RABGAP1L: variants seen among roughly 807,000 people sequenced by gnomAD.
The protein encoded by RABGAP1L is RAB GTPase activating protein 1 like.
In RABGAP1L, 63 loss-of-function variants were observed where a neutral mutation model predicts 137.7. That is an observed-to-expected ratio of 0.46 (90% CI 0.37 to 0.56). RABGAP1L has a LOEUF of 0.56. RABGAP1L is among the 20% of genes least tolerant of loss of function. The pLI, the probability that RABGAP1L is intolerant of heterozygous loss-of-function variation, is 0.00. For synonymous variants in RABGAP1L, 431 were observed against 433.7 expected, an observed-to-expected ratio of 0.99 and a Z score of 0.08; for missense variants, 1,095 against 1,244.0, an observed-to-expected ratio of 0.88 and a Z score of 1.80.
chr1:174,614,938 T>C (rs950399828), intron 13 of RABGAP1L, among the ~76,000 whole-genome samples: 5 of 152,254 alleles, frequency 3.3e-5, no homozygotes, highest in African/African-American at 1.2e-4. Context: ...TCAGCTCCTT[T>C]AAGCACTTCT....
At chr1:174,223,661 T>C (rs991370052) in intron 3 of RABGAP1L, among the ~76,000 whole-genome samples, 1 of 152,136 alleles carries the variant, frequency 6.6e-6, no homozygotes, top group Non-Finnish European at 1.5e-5. Context: ...GAGTCAACCT[T>C]GAAAAGATGT....
intron 18 of RABGAP1L, among the ~76,000 whole-genome samples, chr1:174,771,394 A>T (rs1053725924): frequency 6.6e-6 from 1 of 152,122 alleles, no homozygotes; most frequent in Non-Finnish European, 1.5e-5. Context: ...CAGTCCTTTA[A>T]TGAGTAGATA....
intron 21 of RABGAP1L, among the ~76,000 whole-genome samples, chr1:174,975,077 A>T (rs1253860597): frequency 6.6e-6 from 1 of 152,246 alleles, no homozygotes; most frequent in East Asian, 1.9e-4. Context: ...TGCAGTCTGC[A>T]TCTGCAATGA....
chr1:174,816,950 C>T (rs1690491598), intron 19 of RABGAP1L, among the ~76,000 whole-genome samples: 1 of 151,998 alleles, frequency 6.6e-6, no homozygotes, highest in South Asian at 2.1e-4. Flanking sequence ...AGGATAGTCT[C>T]GATCTCCTGA....
chr1:174,256,525 G>A (rs987725138), intron 7 of RABGAP1L, among the ~76,000 whole-genome samples: 3 of 152,236 alleles, frequency 2.0e-5, no homozygotes, highest in Non-Finnish European at 1.5e-5. Flanking sequence ...GCTCACGCCT[G>A]TAATCCCAGC....
intron 18 of RABGAP1L, among the ~76,000 whole-genome samples, chr1:174,774,744 A>G (rs930218179): frequency 6.6e-6 from 1 of 151,990 alleles, no homozygotes; most frequent in Non-Finnish European, 1.5e-5. Flanking sequence ...GCCAGGCACG[A>G]TGGCACGTGC....
intron 11 of RABGAP1L, among the ~76,000 whole-genome samples, chr1:174,328,734 C>T (rs1680764847): frequency 6.6e-6 from 1 of 152,132 alleles, no homozygotes; most frequent in Non-Finnish European, 1.5e-5. Context: ...CATGCCACTG[C>T]ACTCCAGCCT....
intron 14 of RABGAP1L, among the ~76,000 whole-genome samples, chr1:174,643,149 C>T (rs1294186980): frequency 2.0e-5 from 3 of 152,100 alleles, no homozygotes; most frequent in African/African-American, 7.2e-5. Flanking sequence ...GGAACTCCTT[C>T]CACTCATATC....
chr1:174,894,501 G>C (rs1173705380), intron 19 of RABGAP1L, among the ~76,000 whole-genome samples: 1 of 152,178 alleles, frequency 6.6e-6, no homozygotes, highest in Non-Finnish European at 1.5e-5. Context: ...GTAGTGTTGG[G>C]AAGGGTGCAA....
chr1:174,360,736 A>G (rs774874708), intron 11 of RABGAP1L, among the ~76,000 whole-genome samples: 1 of 152,142 alleles, frequency 6.6e-6, no homozygotes, highest in Non-Finnish European at 1.5e-5. Context: ...AGGTGGAGGG[A>G]GGAACTCTTT....
intron 13 of RABGAP1L, among the ~76,000 whole-genome samples, chr1:174,479,561 G>A (rs1314897741): frequency 1.3e-5 from 2 of 152,178 alleles, no homozygotes; most frequent in East Asian, 1.9e-4. Flanking sequence ...ATGACAGCTT[G>A]TTAAAGCCAA....
At chr1:174,241,826 T>A (rs1671852358) in intron 5 of RABGAP1L, among the ~76,000 whole-genome samples, 169 bp downstream of exon 5, 1 of 152,220 alleles carries the variant, frequency 6.6e-6, no homozygotes. Context: ...CCAAGTCTGG[T>A]ATATCTGCAT....
intron 17 of RABGAP1L, among the ~76,000 whole-genome samples, chr1:174,710,552 C>G (rs1415348036): frequency 2.6e-5 from 4 of 152,092 alleles, no homozygotes; most frequent in African/African-American, 9.7e-5. Flanking sequence ...AATTTTCAAC[C>G]AGAATTTCAT....
At chr1:174,663,496 C>G (rs1676542417) in intron 14 of RABGAP1L, among the ~76,000 whole-genome samples, 1 of 152,230 alleles carries the variant, frequency 6.6e-6, no homozygotes, top group Non-Finnish European at 1.5e-5. Flanking sequence ...TGTAAGTACT[C>G]TCTATGATGT....
At chr1:174,440,339 T>C (rs935838214) in intron 13 of RABGAP1L, among the ~76,000 whole-genome samples, 2 of 152,180 alleles carry the variant, frequency 1.3e-5, no homozygotes, top group Non-Finnish European at 2.9e-5. Context: ...GTCTCTTTTG[T>C]GAATAATGGA....
intron 1 of RABGAP1L, among the ~76,000 whole-genome samples, chr1:174,166,839 A>G (rs1215893187): frequency 2.6e-5 from 4 of 152,238 alleles, no homozygotes. Context: ...ACTGCTTAAT[A>G]GCTCATCATG....
At chr1:174,434,408 A>G (rs1653024029) in intron 13 of RABGAP1L, among the ~76,000 whole-genome samples, 1 of 151,916 alleles carries the variant, frequency 6.6e-6, no homozygotes, top group South Asian at 2.1e-4. Context: ...GGTTTTGGCT[A>G]TTTCATTTTT....
At chr1:174,606,544 G>C (rs1670809674) in intron 13 of RABGAP1L, among the ~76,000 whole-genome samples, 1 of 152,224 alleles carries the variant, frequency 6.6e-6, no homozygotes, top group South Asian at 2.1e-4. Flanking sequence ...GATCAGAGGA[G>C]AGACAGTGTT....
chr1:174,240,393 C>T (rs1220182449), intron 4 of RABGAP1L, among the ~76,000 whole-genome samples: 1 of 152,108 alleles, frequency 6.6e-6, no homozygotes, highest in Admixed American at 6.6e-5. Context: ...AATACCGGTT[C>T]CCACCGCCAT....
Sources: allele counts gnomAD v4.1 joint callset (sites outside exome capture counted in the v4.1 genomes callset), GRCh38; gene constraint gnomAD v4.1.1; transcripts MANE v1.5; gene names NCBI Gene and HGNC (gene_info 2026-07-23, HGNC 2026-07-21).